The following MARCHF4 variants were observed in gnomAD, a reference collection of about 807,000 sequenced individuals.
MARCHF4 encodes the protein E3 ubiquitin-protein ligase MARCHF4.
A neutral mutation model predicts 43.9 loss-of-function variants in MARCHF4; 14 were observed. The observed-to-expected ratio is 0.32, with a 90% CI of 0.21 to 0.50. The LOEUF (loss-of-function observed/expected upper bound fraction) is 0.50, where lower values mean the gene tolerates loss of function less well. Ranked by LOEUF, MARCHF4 falls within the 20% of genes least tolerant of loss-of-function variation. The pLI, the probability that MARCHF4 is intolerant of heterozygous loss-of-function variation, is 0.98. For synonymous variants in MARCHF4, 226 were observed against 213.3 expected (o/e 1.06, Z -0.52); for missense variants, 468 against 536.7 (o/e 0.87, Z 1.27).
intron 1 of MARCHF4, among the ~76,000 whole-genome samples, chr2:216,354,912 TTTC>T (rs1692464012): frequency 2.2e-5 from 2 of 90,488 alleles, no homozygotes; most frequent in Non-Finnish European, 4.3e-5. Context: ...TCTTTCTTTC[TTTC>T]TTTCTTTCTT....
At chr2:216,320,666 TC>T (rs1691873576) in intron 1 of MARCHF4, among the ~76,000 whole-genome samples, 9 of 113,544 alleles carry the variant, frequency 7.9e-5, no homozygotes, top group Admixed American at 1.8e-4. Flanking sequence ...TTTCTTTCTT[TC>T]TTTCTTTCTT....
rs992134348 is a variant in MARCHF4, at chr2:216,339,723, C to T, written c.516+30022G>A. Among the ~76,000 whole-genome samples, 4 of 152,086 alleles carry T rather than the reference C, an allele frequency of 2.6e-5. No individual in the cohort carries two copies. The East Asian group carries it at 7.7e-4, about 29-fold the overall frequency. On this transcript the variant is annotated intron_variant, in intron 1 of 3. Transcript: ENST00000273067. Reference sequence around the variant, plus strand: ...TCTGTTCATTCGTTCATTCATGTGCCTTCTATGGGGCAGGCACTGACTTAG... The same window carrying T: ...TCTGTTCATTCGTTCATTCATGTGCTTTCTATGGGGCAGGCACTGACTTAG...
chr2:216,364,905 G>A (rs1046636656), intron 1 of MARCHF4, among the ~76,000 whole-genome samples: 7 of 152,180 alleles, frequency 4.6e-5, no homozygotes, highest in African/African-American at 1.7e-4. Context: ...CAGGAAAGGA[G>A]GATAAAATAT....
At chr2:216,363,670 T>C (rs539696223) in intron 1 of MARCHF4, among the ~76,000 whole-genome samples, 1 of 152,290 alleles carries the variant, frequency 6.6e-6, no homozygotes, top group African/African-American at 2.4e-5. Context: ...TTTTGTATCC[T>C]TGGGTCCATA....
Position 216,283,575 on chromosome 2 carries a change from T to C in MARCHF4, c.671A>G (p.Gln224Arg). 2 of 1,598,560 alleles carry C rather than the reference T, an allele frequency of 1.3e-6. No individual in the cohort carries two copies. The highest frequency in any genetic ancestry group is 1.7e-6 in the Non-Finnish European group (2 of 1,167,358). ...CCACCAGGCAGCCCTGGGTTGTACC[T>C]GCAGAGGATTTTTTGTGCTTATGGC... Reference protein sequence around the residue: ...VIAISTKNPLQWQAISLTVIE... With the variant: ...VIAISTKNPLRWQAISLTVIE... The change falls in exon 2 of 4, where the codon CAG becomes CGG. Residue 224 changes from glutamine to arginine, a missense_variant and splice_region_variant. Gln to Arg is a conservative substitution (Grantham distance 43, BLOSUM62 1). Coordinates refer to ENST00000273067, the MANE Select transcript of MARCHF4 (RefSeq NM_020814.3).
intron 1 of MARCHF4, among the ~76,000 whole-genome samples, chr2:216,333,327 A>G (rs1194420878): frequency 3.3e-5 from 5 of 152,260 alleles, no homozygotes; most frequent in Non-Finnish European, 1.5e-5. Context: ...AAAAATGAGT[A>G]AAAGGCTTGA....
Position 216,272,152 on chromosome 2 carries a change from C to G in MARCHF4, c.865+5520G>C, listed in dbSNP as rs569031258. On this transcript the variant is annotated intron_variant, in intron 3 of 3. Transcript: ENST00000273067. ...TACAGGTATGAGCTACTGTGTCTGG[C>G]CTGAATAAGTATTTTTAAATTAATG... Among the ~76,000 whole-genome samples the G allele has an allele frequency of 3.3e-5, 5 of 152,008 alleles. No homozygotes were observed. The South Asian group carries it at 1.0e-3, about 32-fold the overall frequency.
intron 3 of MARCHF4, among the ~76,000 whole-genome samples, chr2:216,277,425 C>T (rs754944600): frequency 1.1e-4 from 16 of 152,194 alleles, no homozygotes; most frequent in Non-Finnish European, 1.6e-4. Flanking sequence ...AGGCAGGCCT[C>T]ATCTTTATCT....
At chr2:216,293,310 G>A (rs1025613715) in intron 1 of MARCHF4, among the ~76,000 whole-genome samples, 1 of 152,106 alleles carries the variant, frequency 6.6e-6, no homozygotes, top group African/African-American at 2.4e-5. Flanking sequence ...GACTAACAGT[G>A]TGTTGACACT....
intron 1 of MARCHF4, among the ~76,000 whole-genome samples, chr2:216,340,703 T>G (rs1692223554): frequency 6.6e-6 from 1 of 152,194 alleles, no homozygotes; most frequent in African/African-American, 2.4e-5. Flanking sequence ...GAGGATGAGC[T>G]CCTGGCTGTA....
At chr2:216,365,209 T>A (rs1048496302) in intron 1 of MARCHF4, among the ~76,000 whole-genome samples, 1 of 152,230 alleles carries the variant, frequency 6.6e-6, no homozygotes, top group African/African-American at 2.4e-5. Context: ...AAAAGCCATA[T>A]CTTATTCACA....
chr2:216,267,450 G>A (rs1246612387), intron 3 of MARCHF4, among the ~76,000 whole-genome samples: 1 of 152,212 alleles, frequency 6.6e-6, no homozygotes, highest in East Asian at 1.9e-4. Context: ...AAAAGACTCA[G>A]CAGCCCAAGG....
At chr2:216,321,833 T>C (rs1574476666) in intron 1 of MARCHF4, 1 of 152,334 alleles carries the variant, frequency 6.6e-6, no homozygotes, top group East Asian at 1.9e-4. Context: ...TTTGTATGAC[T>C]CAGAAAAAGA....
At chr2:216,366,840 G>A (rs1311596803) in intron 1 of MARCHF4, among the ~76,000 whole-genome samples, 4 of 152,104 alleles carry the variant, frequency 2.6e-5, no homozygotes, top group Non-Finnish European at 4.4e-5. Context: ...TAGAATGTCA[G>A]CTTCAGGAGA....
intron 1 of MARCHF4, among the ~76,000 whole-genome samples, chr2:216,368,760 C>A (rs1233757804): frequency 6.6e-6 from 1 of 152,224 alleles, no homozygotes; most frequent in African/African-American, 2.4e-5. Flanking sequence ...TACTCCTTCT[C>A]CAGCATCACT....
chr2:216,304,708 C>A (rs1011242297), intron 1 of MARCHF4, among the ~76,000 whole-genome samples: 10 of 152,116 alleles, frequency 6.6e-5, no homozygotes, highest in Non-Finnish European at 1.0e-4. Flanking sequence ...AGAAAACATT[C>A]ATAGGGAGGC....
At position 216,259,420 on chromosome 2, in the gene MARCHF4, G is replaced by C; in HGVS notation, c.1125C>G (p.His375Gln). ...TGTGCAGGATGGTATAAGCACAGTG[G>C]TGATGGGACAGAGGGCCTGAGGGGT... ...AGHPSGPLSH[H>Q]HCAYTILHIL... The change falls in exon 4 of 4, where the codon CAC becomes CAG. Residue 375 changes from histidine to glutamine, a missense_variant. By Grantham distance (24) the His-to-Gln change is conservative. This residue lies in a region of MARCHF4 where 120 missense variants were observed against 127.1 expected (regional missense o/e 0.94). Coordinates refer to ENST00000273067, the MANE Select transcript of MARCHF4 (RefSeq NM_020814.3). The C allele has an allele frequency of 6.2e-7, 1 of 1,614,038 alleles. No homozygotes were observed. The highest frequency in any genetic ancestry group is 8.5e-7 in the Non-Finnish European group (1 of 1,179,934).
intron 1 of MARCHF4, among the ~76,000 whole-genome samples, chr2:216,299,852 G>A (rs1017257863): frequency 6.6e-6 from 1 of 152,196 alleles, no homozygotes; most frequent in African/African-American, 2.4e-5. Flanking sequence ...ACTGTCCTCT[G>A]CCTCATGTCT....
intron 1 of MARCHF4, among the ~76,000 whole-genome samples, chr2:216,332,531 T>G (rs1455488644): frequency 6.6e-6 from 1 of 150,728 alleles, no homozygotes; most frequent in Admixed American, 6.6e-5. Context: ...AAAAAAAAGG[T>G]CAATTTATAT....
Sources: allele counts gnomAD v4.1 joint callset (sites outside exome capture counted in the v4.1 genomes callset), GRCh38; gene constraint gnomAD v4.1.1; regional missense constraint gnomAD v4.1.1; transcripts MANE v1.5; gene names NCBI Gene and HGNC (gene_info 2026-07-23, HGNC 2026-07-21).